Variants in VWCE observed in about 807,000 individuals in gnomAD.
VWCE encodes the protein von Willebrand factor C and EGF domains, also known as von Willebrand factor C and EGF domain-containing protein.
In VWCE, 68 loss-of-function variants were observed where a neutral mutation model predicts 102.9. That is an observed-to-expected ratio of 0.66 (90% CI 0.54 to 0.81). The LOEUF (loss-of-function observed/expected upper bound fraction) is 0.81, where lower values mean the gene tolerates loss of function less well. Among genes scored for constraint, VWCE ranks in the 30% least tolerant of loss-of-function variants. VWCE has a pLI of 0.00. For synonymous variants in VWCE, 497 were observed against 515.4 expected (o/e 0.96, Z 0.48); for missense variants, 1,137 against 1,263.6 (o/e 0.90, Z 1.52).
In VWCE at chr11:61,282,775, C is replaced by T; in HGVS notation, c.658+14G>A. On this transcript the variant is annotated intron_variant, in intron 6 of 19. Transcript: ENST00000335613. Reference sequence around the variant, plus strand: ...AGCCTAAGTGTGCAGACCACAGGGTCCTCCCCGCCTTACCTACACAGGAGT... The same window carrying T: ...AGCCTAAGTGTGCAGACCACAGGGTTCTCCCCGCCTTACCTACACAGGAGT... 6.2e-7 allele frequency: 1 copy of T among 1,609,820 alleles called. No individual in the cohort carries two copies. Among genetic ancestry groups the T allele is most frequent in the South Asian group, 1.1e-5 (1 of 90,944 alleles).
intron 1 of VWCE, 64 bp from the exon 2 acceptor site, chr11:61,291,640 G>T: frequency 7.6e-7 from 1 of 1,309,454 alleles, no homozygotes; most frequent in Non-Finnish European, 1.0e-6. Flanking sequence ...CAACAGGAAA[G>T]TCTCCCAGCC....
chr11:61,265,300 G>A, intron 16 of VWCE, 88 bp from the exon 17 acceptor site: 1 of 1,197,690 alleles, frequency 8.3e-7, no homozygotes, highest in Non-Finnish European at 1.1e-6. Flanking sequence ...GCCACTGAGT[G>A]TCCATCAGAA....
Position 61,258,923 on chromosome 11 carries a change from G to A in VWCE, c.2620C>T (p.Arg874Cys), listed in dbSNP as rs749351791. The A allele has an allele frequency of 2.2e-5, 34 of 1,546,352 alleles. No individual in the cohort carries two copies. Among genetic ancestry groups the A allele is most frequent in the East Asian group, 9.0e-5 (4 of 44,424 alleles). The change falls in exon 20 of 20, where the codon CGC becomes TGC. Residue 874 changes from arginine (R) to cysteine (C), a missense_variant. Arg to Cys is a radical substitution (Grantham distance 180). This residue lies in a region of VWCE where 316 missense variants were observed against 319.3 expected (regional missense o/e 0.99). Coordinates refer to ENST00000335613, the MANE Select transcript of VWCE (RefSeq NM_152718.2). ...TGGGCCCCAGAGGCTGAGAACGAGC[G>A]CTCTGGAGTCACAGGAGGTGGCTGA... Reference protein sequence around the residue: ...APQPPPVTPERSFSASGAQIV... With the variant: ...APQPPPVTPECSFSASGAQIV...
chr11:61,266,924 G>A (rs1854532779), intron 16 of VWCE, among the ~76,000 whole-genome samples: 1 of 152,132 alleles, frequency 6.6e-6, no homozygotes. Context: ...CTCTCTAGGG[G>A]GTAACCCGGA....
At position 61,259,078 on chromosome 11, in the gene VWCE, C is replaced by A; in HGVS notation, c.2465G>T (p.Gly822Val). 6.2e-7 allele frequency: 1 copy of A among 1,614,018 alleles called. No individual in the cohort carries two copies. The highest frequency in any genetic ancestry group is 8.5e-7 in the Non-Finnish European group (1 of 1,179,914). The change falls in exon 20 of 20, where the codon GGT becomes GTT. Residue 822 changes from glycine (G) to valine (V), a missense_variant. By Grantham distance (109) the Gly-to-Val change is moderately radical (BLOSUM62 -3). This residue lies in a region of VWCE where 316 missense variants were observed against 319.3 expected (regional missense o/e 0.99). Coordinates refer to ENST00000335613, the MANE Select transcript of VWCE (RefSeq NM_152718.2). ...CAGCCCCAAAGCGAGTGAGTGTGGA[C>A]CATGAGCTCCTGCCGGGCTTGTAGG... is the stretch of plus-strand genomic sequence containing the variant. ...TLPTSPAGAH[G>V]PHSLALGLTA...
At position 61,294,939 on chromosome 11, in the gene VWCE, G is replaced by C; in HGVS notation, c.99C>G (p.Phe33Leu). 6.9e-7 allele frequency: 1 copy of C among 1,442,914 alleles called. No individual in the cohort carries two copies. The highest frequency in any genetic ancestry group is 9.1e-7 in the Non-Finnish European group (1 of 1,096,762). 89.4% of individuals were successfully genotyped at this position (1,442,914 alleles called of 1,614,324 possible). ...CTCCGGGCGCTTACCTCTCGGCCGCGAAGTGCCCGGGCGGCTTCCTCCCGG... is the reference window on the plus strand; with the variant it reads ...CTCCGGGCGCTTACCTCTCGGCCGCCAAGTGCCCGGGCGGCTTCCTCCCGG... ...GYTGRKPPGH[F>L]AAERRRLGPH... Residue 33 changes from phenylalanine to leucine, a missense_variant, in exon 1 of 20, where the codon TTC becomes TTG. Transcript: ENST00000335613. This position sits in a 1 kb window ranked among gnomAD's most constrained non-coding sequence, Gnocchi z 6.3.
chr11:61,294,791 G>C lies in VWCE; in HGVS notation c.110+137C>G. ...ACTCTTTGTGCCGTCCCCGAGCTGTGCCCGCGCTGATAGCACCCCAGAGGA... is the reference window on the plus strand; with the variant it reads ...ACTCTTTGTGCCGTCCCCGAGCTGTCCCCGCGCTGATAGCACCCCAGAGGA... On this transcript the variant is annotated intron_variant, in intron 1 of 19. Coordinates refer to ENST00000335613, the MANE Select transcript of VWCE (RefSeq NM_152718.2). The surrounding 1 kb of genome is among the most constrained non-coding windows in gnomAD (Gnocchi z 6.3). 1 of 510,102 alleles carries C rather than the reference G, an allele frequency of 2.0e-6. No individual in the cohort carries two copies. The highest frequency in any genetic ancestry group is 4.4e-5 in the South Asian group (1 of 22,540). 31.6% of individuals were successfully genotyped at this position (510,102 alleles called of 1,614,324 possible).
chr11:61,294,398 C>T lies in VWCE; in HGVS notation c.110+530G>A, dbSNP rs1382434191. On this transcript the variant is annotated intron_variant, in intron 1 of 19. Coordinates refer to ENST00000335613, the MANE Select transcript of VWCE (RefSeq NM_152718.2). This position sits in a 1 kb window ranked among gnomAD's most constrained non-coding sequence, Gnocchi z 6.3. ...AGCACGTGCGGAGGGCGGCATCCAT[C>T]GCGAAAGACAGCGGAGGGGCATGCA... 6.6e-6 allele frequency among the ~76,000 whole-genome samples: 1 copy of T among 152,228 alleles called. No individual in the cohort carries two copies. Among genetic ancestry groups the T allele is most frequent in the African/African-American group, 2.4e-5 (1 of 41,466 alleles).
intron 14 of VWCE, 169 bp downstream of exon 14, chr11:61,271,506 G>A: frequency 3.3e-6 from 2 of 604,072 alleles, no homozygotes; most frequent in East Asian, 3.0e-5. Flanking sequence ...TCTACTGAGA[G>A]CAGGATAAAC....
chr11:61,273,369 C>T lies in VWCE; in HGVS notation c.1582-53G>A, dbSNP rs141738688. ...TGAGGGCGGCACCCTGCCTGGGGAC[C>T]ATGGAGAGCTAGAGGAGGCCGCAGG... is the stretch of plus-strand genomic sequence containing the variant. On this transcript the variant is annotated intron_variant, in intron 12 of 19. Transcript: ENST00000335613. 8,997 of 1,526,536 alleles carry T rather than the reference C, an allele frequency of 5.9e-3. 41 individuals carry two copies. The highest frequency in any genetic ancestry group is 7.2e-3 in the Non-Finnish European group (8,145 of 1,129,320). 94.6% of individuals were successfully genotyped at this position (1,526,536 alleles called of 1,614,324 possible).
chr11:61,288,787 C>T (rs1239526287), intron 4 of VWCE, among the ~76,000 whole-genome samples: 1 of 151,454 alleles, frequency 6.6e-6, no homozygotes, highest in Non-Finnish European at 1.5e-5. Flanking sequence ...GACCCAACAG[C>T]GTCCTTCTGG....
chr11:61,294,028 C>A lies in VWCE; in HGVS notation c.110+900G>T, dbSNP rs1026061302. On this transcript the variant is annotated intron_variant, in intron 1 of 19. Coordinates refer to ENST00000335613, the MANE Select transcript of VWCE (RefSeq NM_152718.2). The surrounding 1 kb of genome is among the most constrained non-coding windows in gnomAD (Gnocchi z 6.3). ...GACTCTCAGAAACGGACAGGCAGTG[C>A]CACCAAGGCGGCAGATAAAAGGGTG... Among the ~76,000 whole-genome samples, 1 of 152,154 alleles carries A rather than the reference C, an allele frequency of 6.6e-6. No homozygotes were observed. The highest frequency in any genetic ancestry group is 1.9e-4 in the East Asian group (1 of 5,190).
In VWCE at chr11:61,273,072, GCACA is replaced by G. The variant is rs369264345; in HGVS notation, c.1699+123_1699+126del. ...CACAAAAACTCACACTCATACACAC[GCACA>G]CAAAGACACATGTACACACACACAC... On this transcript the variant is annotated intron_variant, in intron 13 of 19. Transcript: ENST00000335613. The G allele has an allele frequency of 3.5e-3, 3,187 of 907,266 alleles. 104 individuals are homozygous for G. In the South Asian group the frequency reaches 0.043, roughly 12 times the overall value. The allele number at this position is 907,266 out of a possible 1,614,324, so 56.2% of individuals were successfully genotyped here.
chr11:61,267,349 C>G (rs111943530), intron 16 of VWCE, 113 bp downstream of exon 16: 18 of 1,090,816 alleles, frequency 1.7e-5, no homozygotes, highest in Middle Eastern at 2.0e-4. Flanking sequence ...CCACCATGAA[C>G]CAGAAGCATC....
At chr11:61,290,676 A>C in intron 4 of VWCE, 123 bp downstream of exon 4, 1 of 1,146,642 alleles carries the variant, frequency 8.7e-7, no homozygotes, top group South Asian at 1.6e-5. Flanking sequence ...ACTCTCAAAC[A>C]TCAGAGCCTA....
chr11:61,285,525 G>T (rs1429071013), intron 5 of VWCE, among the ~76,000 whole-genome samples: 1 of 152,046 alleles, frequency 6.6e-6, no homozygotes, highest in Non-Finnish European at 1.5e-5. Flanking sequence ...CCCCAGGGTA[G>T]CTCCAGAGCC....
At chr11:61,282,693 A>G (rs1053564917) in intron 6 of VWCE, 96 bp downstream of exon 6, 1 of 964,830 alleles carries the variant, frequency 1.0e-6, no homozygotes. Flanking sequence ...AGGACCAGAA[A>G]GTCTAATTGT....
In VWCE at chr11:61,259,094, G is replaced by A; in HGVS notation, c.2449C>T (p.Pro817Ser). 1 of 1,614,066 alleles carries A rather than the reference G, an allele frequency of 6.2e-7. No individual in the cohort carries two copies. Among genetic ancestry groups the A allele is most frequent in the Non-Finnish European group, 8.5e-7 (1 of 1,179,968 alleles). The change falls in exon 20 of 20, where the codon CCG (proline) becomes TCG (serine). Residue 817 changes from proline (P) to serine (S), a missense_variant. By Grantham distance (74) the Pro-to-Ser change is moderately conservative. Transcript: ENST00000335613. ...GAGTGTGGACCATGAGCTCCTGCCG[G>A]GCTTGTAGGTAAAGTCTGTGTTTTC... ...LMKTQTLPTS[P>S]AGAHGPHSLA...
intron 1 of VWCE, 29 bp from the exon 2 acceptor site, chr11:61,291,605 A>T: frequency 1.4e-6 from 2 of 1,416,212 alleles, no homozygotes; most frequent in East Asian, 2.6e-5. Context: ...CACTTTCCTC[A>T]TTCTATACTG....
Sources: gnomAD v4.1 joint callset for allele counts (sites outside exome capture counted in the v4.1 genomes callset) on GRCh38, gnomAD v4.1.1 for gene constraint, gnomAD v4.1.1 regional missense constraint, Gnocchi (gnomAD v3.1) non-coding constraint, MANE v1.5 for transcripts, NCBI Gene and HGNC (gene_info 2026-07-23, HGNC 2026-07-21) for gene names.